The following SETD2 variants were observed in gnomAD, a reference collection of about 807,000 sequenced individuals.
SETD2 encodes the protein SET domain containing 2, histone lysine methyltransferase.
In SETD2, 31 loss-of-function variants were observed where a neutral mutation model predicts 242.1. That is an observed-to-expected ratio of 0.13 (90% CI 0.10 to 0.17). The LOEUF is 0.17. Ranked by LOEUF, SETD2 falls within the 10% of genes least tolerant of loss-of-function variation. SETD2 has a pLI of 1.00. For missense variants in SETD2, 2,481 were observed against 3,046.3 expected, an observed-to-expected ratio of 0.81 and a Z score of 4.37; for synonymous variants, 1,006 against 1,066.5, an observed-to-expected ratio of 0.94 and a Z score of 1.11.
chr3:47,082,590 T>C (rs1341430677), intron 12 of SETD2, among the ~76,000 whole-genome samples: 1 of 152,224 alleles, frequency 6.6e-6, no homozygotes, highest in Non-Finnish European at 1.5e-5. Context: ...CTTCCTTTCA[T>C]ATTTAGAAAA....
chr3:47,053,526 G>T (rs1428119007), intron 15 of SETD2, among the ~76,000 whole-genome samples: 1 of 152,128 alleles, frequency 6.6e-6, no homozygotes, highest in Non-Finnish European at 1.5e-5. Context: ...TTAAAATTGA[G>T]CTTTTATGTT....
At position 47,124,167 on chromosome 3, in the gene SETD2, G is replaced by C. The variant is rs1352862970; in HGVS notation, c.469C>G (p.Leu157Val). The change falls in exon 3 of 21, where the codon CTG becomes GTG. Residue 157 changes from leucine to valine, a missense_variant. By Grantham distance (32) the Leu-to-Val change is conservative. This residue lies in a region of SETD2 where 334 missense variants were observed against 374.5 expected (regional missense o/e 0.89). Transcript: ENST00000409792. ...GATGCTACTGCTGTGGTAGTAGCCA[G>C]CAGTGGCCTGGATGTTACATGAAGC... The part of the protein sequence containing the change: ...HLLHVTSRPL[L>V]ATTTAVASPP... 1.9e-6 allele frequency: 3 copies of C among 1,551,930 alleles called. No homozygotes were observed. In the South Asian group the frequency reaches 3.6e-5, roughly 18 times the overall value.
chr3:47,124,302 A>C lies in SETD2; in HGVS notation c.334T>G (p.Ser112Ala), dbSNP rs2043238053. Reference sequence around the variant, plus strand: ...ATTTCCATTTTCATTTTAGGAGTCGAGTCTACCTGAAGAGGTACAGCTGGA... The same window carrying C: ...ATTTCCATTTTCATTTTAGGAGTCGCGTCTACCTGAAGAGGTACAGCTGGA... The part of the protein sequence containing the change: ...NPPAVPLQVD[S>A]TPKMKMEIGD... The change falls in exon 3 of 21, where the codon TCG (serine) becomes GCG (alanine). Residue 112 changes from serine (S) to alanine (A), a missense_variant. Ser to Ala is a moderately conservative substitution (Grantham distance 99). Around this residue, in one of 17 missense-constraint regions of SETD2, gnomAD observed 334 missense variants for 374.5 expected, o/e 0.89. Coordinates refer to ENST00000409792, the MANE Select transcript of SETD2 (RefSeq NM_014159.7). 6 of 1,551,756 alleles carry C rather than the reference A, an allele frequency of 3.9e-6. No homozygotes were observed. Among genetic ancestry groups the C allele is most frequent in the Non-Finnish European group, 5.2e-6 (6 of 1,146,998 alleles).
chr3:47,115,613 TA>T (rs2042822661), intron 4 of SETD2, among the ~76,000 whole-genome samples: 2 of 152,170 alleles, frequency 1.3e-5, no homozygotes, highest in South Asian at 4.1e-4. Flanking sequence ...TCTTTCCATG[TA>T]AAAGACAAGA....
chr3:47,107,252 TGAAA>T (rs917912646), intron 5 of SETD2, among the ~76,000 whole-genome samples: 13 of 152,154 alleles, frequency 8.5e-5, no homozygotes, highest in African/African-American at 3.1e-4. Context: ...CTAATTCTAA[TGAAA>T]GAAATTTTTT....
rs746101303 is a variant in SETD2, at chr3:47,037,631, A to G, written c.7350+35T>C. 3 of 1,534,234 alleles carry G rather than the reference A, an allele frequency of 2.0e-6. No homozygotes were observed. The African/African-American group carries it at 4.1e-5, about 21-fold the overall frequency. On this transcript the variant is annotated intron_variant, in intron 18 of 20. Coordinates refer to ENST00000409792, the MANE Select transcript of SETD2 (RefSeq NM_014159.7). ...CGGGATGGTCTTGGACGGACTCCCAAATGATCAGGAAATACATGTGTAAGC... is the reference window on the plus strand; with the variant it reads ...CGGGATGGTCTTGGACGGACTCCCAGATGATCAGGAAATACATGTGTAAGC...
intron 15 of SETD2, among the ~76,000 whole-genome samples, chr3:47,047,765 G>C (rs2039595392): frequency 6.6e-6 from 1 of 152,170 alleles, no homozygotes; most frequent in Admixed American, 6.6e-5. Context: ...ATTACCATCA[G>C]AATAGTATCA....
chr3:47,075,091 G>A (rs1174217246), intron 12 of SETD2, among the ~76,000 whole-genome samples: 3 of 148,918 alleles, frequency 2.0e-5, no homozygotes, highest in East Asian at 2.0e-4. Context: ...CCGAGATTGC[G>A]CCACTGCACT....
At chr3:47,087,481 ACT>A (rs2041613252) in intron 10 of SETD2, among the ~76,000 whole-genome samples, 1 of 151,964 alleles carries the variant, frequency 6.6e-6, no homozygotes, top group South Asian at 2.1e-4. Flanking sequence ...TGCCGCTGCT[ACT>A]CTGACAGCAG....
chr3:47,105,705 C>G (rs1057147526), intron 6 of SETD2: 2 of 439,420 alleles, frequency 4.6e-6, no homozygotes, highest in Non-Finnish European at 9.0e-6. Flanking sequence ...GAGATCGAGA[C>G]CAGCCTGGCC....
chr3:47,107,394 A>T (rs1009480456), intron 5 of SETD2, among the ~76,000 whole-genome samples: 1 of 152,178 alleles, frequency 6.6e-6, no homozygotes, highest in Admixed American at 6.5e-5. Flanking sequence ...TTAAAAACAA[A>T]TGAGAAAAGA....
chr3:47,139,533 A>T (rs1419135596), intron 1 of SETD2, among the ~76,000 whole-genome samples: 1 of 152,188 alleles, frequency 6.6e-6, no homozygotes, highest in African/African-American at 2.4e-5. Flanking sequence ...TTCCTATCAT[A>T]CATTCTCGTT....
At chr3:47,043,255 G>A (rs755138269) in intron 16 of SETD2, among the ~76,000 whole-genome samples, 2 of 152,096 alleles carry the variant, frequency 1.3e-5, no homozygotes, top group Non-Finnish European at 2.9e-5. Flanking sequence ...GACTGTTACT[G>A]GGACACAGGG....
rs566797606 is a variant in SETD2 at position 47,142,826 on chromosome 3, C to A, written c.72-16163G>T. On this transcript the variant is annotated intron_variant, in intron 1 of 20. Transcript: ENST00000409792. ...GGGATTACAGGAGCCTGCCACCACGCCCAACTGATTTTTTGTATTTTTAGC... is the reference window on the plus strand; with the variant it reads ...GGGATTACAGGAGCCTGCCACCACGACCAACTGATTTTTTGTATTTTTAGC... 9.8e-4 allele frequency among the ~76,000 whole-genome samples: 149 copies of A among 152,204 alleles called. 1 individual carries two copies. The highest frequency in any genetic ancestry group is 3.5e-3 in the African/African-American group (144 of 41,530).
intron 9 of SETD2, among the ~76,000 whole-genome samples, chr3:47,092,990 A>G (rs1213147956): frequency 6.6e-6 from 1 of 152,102 alleles, no homozygotes; most frequent in African/African-American, 2.4e-5. Context: ...AAATTCCTAA[A>G]TATTAATTTT....
At chr3:47,060,215 T>A (rs936119371) in intron 14 of SETD2, among the ~76,000 whole-genome samples, 1 of 152,166 alleles carries the variant, frequency 6.6e-6, no homozygotes, top group Admixed American at 6.5e-5. Flanking sequence ...TGAGCCATGA[T>A]CATGCCACTG....
At chr3:47,112,115 CTTTTT>C (rs11319249) in intron 5 of SETD2, among the ~76,000 whole-genome samples, 1 of 128,684 alleles carries the variant, frequency 7.8e-6, no homozygotes, top group Non-Finnish European at 1.7e-5. Flanking sequence ...ATTAAGAATA[CTTTTT>C]TTTTTTTTTT....
At chr3:47,048,033 A>G (rs1032621396) in intron 15 of SETD2, among the ~76,000 whole-genome samples, 13 of 152,342 alleles carry the variant, frequency 8.5e-5, no homozygotes, top group Non-Finnish European at 1.6e-4. Context: ...ACTTGTAAGC[A>G]ACTATAACTT....
chr3:47,110,846 T>A (rs1031454657), intron 5 of SETD2, among the ~76,000 whole-genome samples: 1 of 152,084 alleles, frequency 6.6e-6, no homozygotes, highest in Non-Finnish European at 1.5e-5. Flanking sequence ...TTAGGAAATT[T>A]TAACCTGGCT....
Sources: allele counts gnomAD v4.1 joint callset (sites outside exome capture counted in the v4.1 genomes callset), GRCh38; gene constraint gnomAD v4.1.1; regional missense constraint gnomAD v4.1.1; transcripts MANE v1.5; gene names NCBI Gene and HGNC (gene_info 2026-07-23, HGNC 2026-07-21).